Variants in MYO16 observed in about 807,000 individuals in gnomAD.
MYO16 encodes the protein unconventional myosin-XVI.
A neutral mutation model predicts 205.3 loss-of-function variants in MYO16; 94 were observed. The observed-to-expected ratio is 0.46, with a 90% CI of 0.39 to 0.54. MYO16 has a LOEUF of 0.54. Among genes scored for constraint, MYO16 ranks in the 20% least tolerant of loss-of-function variants. MYO16 has a pLI of 0.00. For missense variants in MYO16, 2,315 were observed against 2,387.5 expected (o/e 0.97, Z 0.63); for synonymous variants, 988 against 954.0 (o/e 1.04, Z -0.66).
At chr13:108,695,301 T>G (rs1029723902) in intron 2 of MYO16, among the ~76,000 whole-genome samples, 1 of 152,190 alleles carries the variant, frequency 6.6e-6, no homozygotes, top group African/African-American at 2.4e-5. Flanking sequence ...TTGAATGATC[T>G]TGGAACCCTT....
intron 14 of MYO16, among the ~76,000 whole-genome samples, chr13:108,897,784 G>A (rs901626602): frequency 5.3e-5 from 8 of 152,152 alleles, no homozygotes; most frequent in East Asian, 1.9e-4. Context: ...GTGCAGTGTC[G>A]TCAAGCAATC....
intron 6 of MYO16, among the ~76,000 whole-genome samples, chr13:108,800,592 T>G (rs1038465891): frequency 2.6e-5 from 4 of 152,218 alleles, no homozygotes; most frequent in Admixed American, 6.5e-5. Flanking sequence ...AAAGCTGAGA[T>G]AGTAAAAATC....
chr13:109,032,411 C>G (rs1244709794), intron 23 of MYO16, among the ~76,000 whole-genome samples: 3 of 152,142 alleles, frequency 2.0e-5, no homozygotes, highest in Non-Finnish European at 4.4e-5. Flanking sequence ...CTTTGTGCTT[C>G]TTCCCAGGGC....
intron 34 of MYO16, among the ~76,000 whole-genome samples, chr13:109,183,207 A>G (rs1385363940): frequency 6.6e-6 from 1 of 152,166 alleles, no homozygotes; most frequent in Non-Finnish European, 1.5e-5. Context: ...CTCGGTGGTG[A>G]GAAGCTAAGC....
intron 22 of MYO16, among the ~76,000 whole-genome samples, chr13:109,012,649 C>T (rs1220972671): frequency 6.6e-6 from 1 of 151,896 alleles, no homozygotes; most frequent in Non-Finnish European, 1.5e-5. Flanking sequence ...GGTTGGGGCC[C>T]TCTAGTCTAA....
intron 28 of MYO16, among the ~76,000 whole-genome samples, chr13:109,119,391 A>T (rs1323444719): frequency 6.6e-6 from 1 of 152,198 alleles, no homozygotes; most frequent in African/African-American, 2.4e-5. Flanking sequence ...ATTGCAAGTA[A>T]TACTTTCCCT....
chr13:108,783,481 G>T (rs1051048523), intron 4 of MYO16, among the ~76,000 whole-genome samples: 1 of 152,176 alleles, frequency 6.6e-6, no homozygotes, highest in African/African-American at 2.4e-5. Flanking sequence ...TTTGGACTGT[G>T]AACTTTTGGG....
intron 2 of MYO16, among the ~76,000 whole-genome samples, chr13:108,686,879 G>T (rs1041224931): frequency 2.6e-5 from 4 of 152,180 alleles, no homozygotes; most frequent in Non-Finnish European, 5.9e-5. Context: ...TAGTTTATTT[G>T]CTGTGAAGGC....
At chr13:108,506,203 C>G in the MYO16 span, among the ~76,000 whole-genome samples, 3 of 152,006 alleles carry the variant, frequency 2.0e-5, no homozygotes, top group Non-Finnish European at 4.4e-5. Flanking sequence ...CAAAAAATGC[C>G]TTTGGAATTC....
intron 12 of MYO16, among the ~76,000 whole-genome samples, chr13:108,879,940 G>C (rs1052691289): frequency 3.3e-5 from 5 of 152,306 alleles, no homozygotes; most frequent in Admixed American, 1.3e-4. Flanking sequence ...TGGCCACACT[G>C]TCTTCCACAA....
At chr13:109,024,214 C>T (rs1439207020) in intron 23 of MYO16, among the ~76,000 whole-genome samples, 1 of 151,348 alleles carries the variant, frequency 6.6e-6, no homozygotes, top group Non-Finnish European at 1.5e-5. Flanking sequence ...TTCAATTTTT[C>T]AGGCTATATT....
intron 16 of MYO16, among the ~76,000 whole-genome samples, chr13:108,930,368 G>A (rs562243205): frequency 1.9e-4 from 29 of 152,156 alleles, no homozygotes; most frequent in African/African-American, 6.7e-4. Flanking sequence ...GAAATGAAGA[G>A]ATATATCAAT....
intron 23 of MYO16, among the ~76,000 whole-genome samples, chr13:109,027,641 G>T (rs544582271): frequency 4.6e-5 from 7 of 152,098 alleles, no homozygotes; most frequent in African/African-American, 1.7e-4. Context: ...ACCCTCAGTT[G>T]CCACACCATG....
intron 12 of MYO16, among the ~76,000 whole-genome samples, chr13:108,866,790 G>A (rs1310010704): frequency 6.6e-6 from 1 of 152,104 alleles, no homozygotes; most frequent in Non-Finnish European, 1.5e-5. Flanking sequence ...TATCATAGGA[G>A]CTATTTTTTG....
intron 1 of MYO16, among the ~76,000 whole-genome samples, chr13:108,645,960 C>T (rs554033773): frequency 6.6e-6 from 1 of 152,284 alleles, no homozygotes; most frequent in African/African-American, 2.4e-5. Flanking sequence ...GACTCAAGAG[C>T]CAGGTGGGAA....
intron 21 of MYO16, among the ~76,000 whole-genome samples, chr13:109,004,251 A>AAT (rs1202664688): frequency 1.3e-5 from 2 of 152,186 alleles, no homozygotes; most frequent in African/African-American, 2.4e-5. Context: ...AAAACTTGAG[A>AAT]AGTTACAGTT....
the MYO16 span, among the ~76,000 whole-genome samples, chr13:108,566,555 C>T: frequency 6.6e-6 from 1 of 151,624 alleles, no homozygotes; most frequent in Admixed American, 6.6e-5. Flanking sequence ...TTGCTAAAGC[C>T]CAGGAGGCAG....
intron 16 of MYO16, among the ~76,000 whole-genome samples, chr13:108,914,753 C>T (rs1881413089): frequency 6.6e-6 from 1 of 152,164 alleles, no homozygotes; most frequent in South Asian, 2.1e-4. Context: ...AGCGATTCTC[C>T]TGTATCGGCC....
chr13:108,916,731 G>A lies in MYO16; in HGVS notation c.1925+6581G>A, dbSNP rs534550442. On this transcript the variant is annotated intron_variant, in intron 16 of 34. Coordinates refer to ENST00000457511, the MANE Select transcript of MYO16 (RefSeq NM_001198950.3). ...GGACATTTCACTTTGAAATGAGAATGAGAGGAATTGGGTCAGTGGCTTCCG... is the reference window on the plus strand; with the variant it reads ...GGACATTTCACTTTGAAATGAGAATAAGAGGAATTGGGTCAGTGGCTTCCG... Among the ~76,000 whole-genome samples the A allele has an allele frequency of 1.3e-3, 203 of 152,306 alleles. 1 individual carries two copies. The highest frequency in any genetic ancestry group is 4.6e-3 in the African/African-American group (193 of 41,568).
Sources: allele counts gnomAD v4.1 joint callset (sites outside exome capture counted in the v4.1 genomes callset), GRCh38; gene constraint gnomAD v4.1.1; transcripts MANE v1.5; gene names NCBI Gene and HGNC (gene_info 2026-07-23, HGNC 2026-07-21).